HYOU1: variants seen among roughly 807,000 people sequenced by gnomAD.
HYOU1 encodes hypoxia up-regulated 1, also known as hypoxia up-regulated protein 1.
HYOU1 carries 40 observed loss-of-function variants against 120.5 expected under a neutral mutation model. The ratio of observed to expected loss-of-function variants is 0.33; its 90% confidence interval spans 0.26 to 0.43. The LOEUF is 0.43. Among genes scored for constraint, HYOU1 ranks in the 20% least tolerant of loss-of-function variants. HYOU1 has a pLI of 1.00. For synonymous variants in HYOU1, 501 were observed against 479.4 expected (o/e 1.05, Z -0.59); for missense variants, 1,085 against 1,278.3 (o/e 0.85, Z 2.31).
Position 119,048,951 on chromosome 11 carries a change from G to T in HYOU1, c.1993-65C>A. The T allele has an allele frequency of 6.2e-7, 1 of 1,610,588 alleles. No individual in the cohort carries two copies. Among genetic ancestry groups the T allele is most frequent in the Non-Finnish European group, 8.5e-7 (1 of 1,178,340 alleles). On this transcript the variant is annotated intron_variant, in intron 17 of 25. Coordinates refer to ENST00000617285, the MANE Select transcript of HYOU1 (RefSeq NM_006389.5). The surrounding 1 kb of genome is among the most constrained non-coding windows in gnomAD (Gnocchi z 4.7). ...CCCTCCTACATTCTCCACAAGGCCA[G>T]AAACAAGGCAGGCGCCTGCTCCCTT...
chr11:119,052,988 T>C lies in HYOU1; in HGVS notation c.795-159A>G, dbSNP rs1944536973. The C allele has an allele frequency of 3.1e-6, 2 of 642,132 alleles. No individual in the cohort carries two copies. The highest frequency in any genetic ancestry group is 5.3e-6 in the Non-Finnish European group (2 of 379,602). 39.8% of individuals were successfully genotyped at this position (642,132 alleles called of 1,614,324 possible). A position where few individuals can be genotyped will look rare whatever the true frequency, so the allele number is the denominator to read the frequency against. Reference sequence around the variant, plus strand: ...TGGACACACACTCTGCCCTCAACTCTCTACAGCACAGCTGACACCTCGCAG... The same window carrying C: ...TGGACACACACTCTGCCCTCAACTCCCTACAGCACAGCTGACACCTCGCAG... On this transcript the variant is annotated intron_variant, in intron 8 of 25. Coordinates refer to ENST00000617285, the MANE Select transcript of HYOU1 (RefSeq NM_006389.5). The surrounding 1 kb of genome is among the most constrained non-coding windows in gnomAD (Gnocchi z 5.0).
chr11:119,054,019 T>C (rs2133602159), intron 8 of HYOU1, 102 bp downstream of exon 8: 14 of 709,816 alleles, frequency 2.0e-5, no homozygotes, highest in Non-Finnish European at 3.2e-5. Flanking sequence ...AGGAGACCAT[T>C]CCTGCAGCAT....
chr11:119,045,238 C>CT lies in HYOU1; in HGVS notation c.*354dup. 1 of 486,740 alleles carries CT rather than the reference C, an allele frequency of 2.1e-6. No individual in the cohort carries two copies. 30.2% of individuals were successfully genotyped at this position (486,740 alleles called of 1,614,324 possible). ...AGAAGAGTGGAAACTCCCCAGCAAC[C>CT]TGATACCCTTCCCATCACCGGGACC... is the stretch of plus-strand genomic sequence containing the variant. On this transcript the variant is annotated 3_prime_UTR_variant, in exon 26 of 26. Transcript: ENST00000617285.
rs201931549 is a variant in HYOU1 at position 119,055,150 on chromosome 11, G to A, written c.419+35C>T. ...ACACACCAATGAGGAGCCCAGCAGC[G>A]TTGCCGAGACCACCTTCCCCAACAG... On this transcript the variant is annotated intron_variant, in intron 5 of 25. Coordinates refer to ENST00000617285, the MANE Select transcript of HYOU1 (RefSeq NM_006389.5). The surrounding 1 kb of genome is among the most constrained non-coding windows in gnomAD (Gnocchi z 4.0). 9.5e-5 allele frequency: 153 copies of A among 1,611,652 alleles called. No individual in the cohort carries two copies. Among genetic ancestry groups the A allele is most frequent in the Non-Finnish European group, 1.2e-4 (145 of 1,178,206 alleles).
Position 119,045,920 on chromosome 11 carries a change from A to G in HYOU1, c.2888-89T>C, listed in dbSNP as rs1944039677. ...CCAGTTTTTCCATGAAGAGCCAGCTAGTAAATATTTTAGGATGCATGTACC... is the reference window on the plus strand; with the variant it reads ...CCAGTTTTTCCATGAAGAGCCAGCTGGTAAATATTTTAGGATGCATGTACC... On this transcript the variant is annotated intron_variant, in intron 24 of 25. Transcript: ENST00000617285. 3 of 1,314,848 alleles carry G rather than the reference A, an allele frequency of 2.3e-6. No individual in the cohort carries two copies. In the African/African-American group the frequency reaches 4.4e-5, roughly 19 times the overall value. 81.4% of individuals were successfully genotyped at this position (1,314,848 alleles called of 1,614,324 possible).
At position 119,055,584 on chromosome 11, in the gene HYOU1, G is replaced by T. The variant is rs2133614389; in HGVS notation, c.186-13C>A. On this transcript the variant is annotated splice_polypyrimidine_tract_variant and intron_variant, in intron 3 of 25. Transcript: ENST00000617285. The surrounding 1 kb of genome is among the most constrained non-coding windows in gnomAD (Gnocchi z 4.0). ...CCTCCGAGATTCCCTGAGGAAAAGAGATTTTGGGCCCAGGTGCCTGCAGCA... is the reference window on the plus strand; with the variant it reads ...CCTCCGAGATTCCCTGAGGAAAAGATATTTTGGGCCCAGGTGCCTGCAGCA... 1.2e-6 allele frequency: 2 copies of T among 1,612,898 alleles called. No individual in the cohort carries two copies. Among genetic ancestry groups the T allele is most frequent in the Non-Finnish European group, 1.7e-6 (2 of 1,178,876 alleles).
intron 8 of HYOU1, 108 bp downstream of exon 8, chr11:119,054,013 G>C: frequency 1.5e-6 from 1 of 676,684 alleles, no homozygotes; most frequent in Non-Finnish European, 2.6e-6. Flanking sequence ...TCAATCAGGA[G>C]ACCATTCCTG....
At position 119,048,130 on chromosome 11, in the gene HYOU1, C is replaced by A; in HGVS notation, c.2377-50G>T. 6.2e-7 allele frequency: 1 copy of A among 1,612,674 alleles called. No individual in the cohort carries two copies. The highest frequency in any genetic ancestry group is 8.5e-7 in the Non-Finnish European group (1 of 1,179,944). On this transcript the variant is annotated intron_variant, in intron 20 of 25. Coordinates refer to ENST00000617285, the MANE Select transcript of HYOU1 (RefSeq NM_006389.5). This position sits in a 1 kb window ranked among gnomAD's most constrained non-coding sequence, Gnocchi z 4.7. ...GGGGTGGAAGGGACGACAGCAGAGC[C>A]TGGAGTCAGCCCCATGTCCTTCTTT... is the stretch of plus-strand genomic sequence containing the variant.
In HYOU1 at chr11:119,049,813, C is replaced by A; in HGVS notation, c.1690G>T (p.Val564Leu). 1 of 1,614,108 alleles carries A rather than the reference C, an allele frequency of 6.2e-7. No individual in the cohort carries two copies. The highest frequency in any genetic ancestry group is 8.5e-7 in the Non-Finnish European group (1 of 1,179,968). The change falls in exon 15 of 26, where the codon GTA becomes TTA. Residue 564 changes from valine (V) to leucine (L), a missense_variant. By Grantham distance (32) the Val-to-Leu change is conservative. Transcript: ENST00000617285. ...DRVESVFETL[V>L]EDSAEEESTL... Reference sequence around the variant, plus strand: ...GATTCCTCTTCTGCGCTGTCCTCTACCAGTGTCTCAAATACAGACTCCACC... The same window carrying A: ...GATTCCTCTTCTGCGCTGTCCTCTAACAGTGTCTCAAATACAGACTCCACC...
chr11:119,055,449 C>G lies in HYOU1; in HGVS notation c.264+44G>C. 6.2e-7 allele frequency: 1 copy of G among 1,607,150 alleles called. No homozygotes were observed. Among genetic ancestry groups the G allele is most frequent in the South Asian group, 1.1e-5 (1 of 90,960 alleles). ...AACAGACTCTGGGGGCTGCCATCTC[C>G]TCTCCTCTGCCCACCACTCTGGGAA... is the stretch of plus-strand genomic sequence containing the variant. On this transcript the variant is annotated intron_variant, in intron 4 of 25. Coordinates refer to ENST00000617285, the MANE Select transcript of HYOU1 (RefSeq NM_006389.5). This position sits in a 1 kb window ranked among gnomAD's most constrained non-coding sequence, Gnocchi z 4.0.
At position 119,049,106 on chromosome 11, in the gene HYOU1, T is replaced by C; in HGVS notation, c.1904A>G (p.Gln635Arg). Residue 635 changes from glutamine to arginine, a missense_variant, in exon 17 of 26, where the codon CAG becomes CGG. Around this residue, in one of 4 missense-constraint regions of HYOU1, gnomAD observed 516 missense variants for 517.1 expected, o/e 1.00. Coordinates refer to ENST00000617285, the MANE Select transcript of HYOU1 (RefSeq NM_006389.5). Reference protein sequence around the residue: ...EAEAPVEDGSQPPPPEPKGDA... With the variant: ...EAEAPVEDGSRPPPPEPKGDA... ...TCCCTTAGGTTCAGGGGGTGGGGGCTGAGAGCCATCCTCCACTGGGGCCTC... is the reference window on the plus strand; with the variant it reads ...TCCCTTAGGTTCAGGGGGTGGGGGCCGAGAGCCATCCTCCACTGGGGCCTC... 6.2e-7 allele frequency: 1 copy of C among 1,614,088 alleles called. No homozygotes were observed.
intron 22 of HYOU1, 173 bp downstream of exon 22, chr11:119,047,558 TGGC>T: frequency 1.7e-6 from 1 of 603,014 alleles, no homozygotes; most frequent in Non-Finnish European, 2.9e-6. Flanking sequence ...ATGACTCTTA[TGGC>T]CATGGCCCTT....
At chr11:119,050,140 A>G (rs1476352166) in intron 14 of HYOU1, among the ~76,000 whole-genome samples, 1 of 152,208 alleles carries the variant, frequency 6.6e-6, no homozygotes, top group Non-Finnish European at 1.5e-5. Context: ...GGCCGAGTGC[A>G]GTGGCTTATG....
In HYOU1 at chr11:119,045,626, T is replaced by G; in HGVS notation, c.2967A>C (p.Gly989=). 6.2e-7 allele frequency: 1 copy of G among 1,614,198 alleles called. No homozygotes were observed. Among genetic ancestry groups the G allele is most frequent in the Non-Finnish European group, 8.5e-7 (1 of 1,180,040 alleles). ...CGTCGTTCTTCAAAGGCCGCTTCTG[T>G]CCTGTCGATTGTTCTTTCTGTTCAG... The part of the protein sequence containing the change: ...AEPEQKEQST[G]QKRPLKNDEL The change falls in exon 26 of 26, where the codon GGA becomes GGC. Residue 989 remains glycine (G), a synonymous_variant. Transcript: ENST00000617285.
At chr11:119,053,147 T>C (rs1944547574) in intron 8 of HYOU1, 1 of 297,808 alleles carries the variant, frequency 3.4e-6, no homozygotes, top group Non-Finnish European at 6.3e-6. Flanking sequence ...ATCACACAAA[T>C]GTGAAATTAT....
intron 14 of HYOU1, among the ~76,000 whole-genome samples, 183 bp downstream of exon 14, chr11:119,050,852 G>A (rs2133581531): frequency 6.7e-6 from 1 of 150,304 alleles, no homozygotes; most frequent in South Asian, 2.1e-4. Context: ...ATGCCTATAA[G>A]CATTTATAGG....
In HYOU1 at chr11:119,045,942, TACC is replaced by T. The variant is rs2134674738; in HGVS notation, c.2888-114_2888-112del. The T allele has an allele frequency of 1.0e-5, 11 of 1,048,582 alleles. No individual in the cohort carries two copies. In the South Asian group the frequency reaches 1.5e-4, roughly 15 times the overall value. 65.0% of individuals were successfully genotyped at this position (1,048,582 alleles called of 1,614,324 possible). On this transcript the variant is annotated intron_variant, in intron 24 of 25. Coordinates refer to ENST00000617285, the MANE Select transcript of HYOU1 (RefSeq NM_006389.5). ...GCTAGTAAATATTTTAGGATGCATGTACCACATTTGGTCTCTTTGCCTACTCTG... is the reference window on the plus strand; with the variant it reads ...GCTAGTAAATATTTTAGGATGCATGTACATTTGGTCTCTTTGCCTACTCTG...
At position 119,048,297 on chromosome 11, in the gene HYOU1, C is replaced by T. The variant is rs1344668972; in HGVS notation, c.2327G>A (p.Ser776Asn). The change falls in exon 20 of 26, where the codon AGC becomes AAC. Residue 776 changes from serine (S) to asparagine (N), a missense_variant. Ser to Asn is a conservative substitution (Grantham distance 46). Transcript: ENST00000617285. The surrounding 1 kb of genome is among the most constrained non-coding windows in gnomAD (Gnocchi z 4.7). ...ATCCTCCAGCCAGGTGGATGCGGCG[C>T]TGAGCTTCCCAGAGATCTCCTCACG... ...EQREEISGKL[S>N]AASTWLEDEG... is the part of the protein sequence containing the mutation. 2.5e-6 allele frequency: 4 copies of T among 1,611,434 alleles called. No individual in the cohort carries two copies. Among genetic ancestry groups the T allele is most frequent in the East Asian group, 2.2e-5 (1 of 44,880 alleles).
Position 119,045,185 on chromosome 11 carries a change from A to C in HYOU1, c.*408T>G. The C allele has an allele frequency of 2.2e-6, 1 of 459,714 alleles. No homozygotes were observed. The highest frequency in any genetic ancestry group is 4.4e-6 in the Non-Finnish European group (1 of 228,484). 28.5% of individuals were successfully genotyped at this position (459,714 alleles called of 1,614,324 possible). On this transcript the variant is annotated 3_prime_UTR_variant, in exon 26 of 26. Coordinates refer to ENST00000617285, the MANE Select transcript of HYOU1 (RefSeq NM_006389.5). ...AAGGATGCTCATCGCATGGTGGGAGAGGAAGGGAGGGAAGGAACAATCACC... is the reference window on the plus strand; with the variant it reads ...AAGGATGCTCATCGCATGGTGGGAGCGGAAGGGAGGGAAGGAACAATCACC...
Sources: gnomAD v4.1 joint callset for allele counts (sites outside exome capture counted in the v4.1 genomes callset) on GRCh38, gnomAD v4.1.1 for gene constraint, gnomAD v4.1.1 regional missense constraint, Gnocchi (gnomAD v3.1) non-coding constraint, MANE v1.5 for transcripts, NCBI Gene and HGNC (gene_info 2026-07-23, HGNC 2026-07-21) for gene names.